CARM1: variants seen among roughly 807,000 people sequenced by gnomAD.
CARM1 encodes histone-arginine methyltransferase CARM1.
Under a neutral mutation model 72.7 loss-of-function variants are expected in CARM1, and 14 were observed. That is an observed-to-expected ratio of 0.19 (90% CI 0.13 to 0.30). CARM1 has a LOEUF of 0.30. CARM1 is among the 10% of genes least tolerant of loss of function. The probability of loss-of-function intolerance (pLI) is 1.00; values close to 1 mark genes in which losing one functional copy is unlikely to be tolerated. For synonymous variants in CARM1, 333 were observed against 345.5 expected, an observed-to-expected ratio of 0.96 and a Z score of 0.40; for missense variants, 432 against 833.7, an observed-to-expected ratio of 0.52 and a Z score of 5.93.
At position 10,912,237 on chromosome 19, in the gene CARM1, A is replaced by G. The variant is rs781326336; in HGVS notation, c.612A>G (p.Gln204=). Residue 204 remains glutamine (Q), a synonymous_variant, in exon 5 of 16, where the codon CAA becomes CAG. Coordinates refer to ENST00000327064, the MANE Select transcript of CARM1 (RefSeq NM_199141.2). This position sits in a 1 kb window ranked among gnomAD's most constrained non-coding sequence, Gnocchi z 4.5. ...GGATCCTGTCGTTTTTTGCCGCCCA[A>G]GCTGGAGCACGGAAAATCTACGCGG... ...GSGILSFFAA[Q]AGARKIYAVE... The G allele has an allele frequency of 1.7e-5, 28 of 1,613,938 alleles. No individual in the cohort carries two copies. The highest frequency in any genetic ancestry group is 5.0e-5 in the Admixed American group (3 of 59,994).
intron 8 of CARM1, among the ~76,000 whole-genome samples, chr19:10,917,840 AGCTGGGAGTACAGGC>A (rs2074210572): frequency 6.6e-6 from 1 of 150,712 alleles, no homozygotes; most frequent in African/African-American, 2.4e-5. Flanking sequence ...ACTCCTGAGT[AGCTGGGAGTACAGGC>A]GCTTGCCACC....
chr19:10,897,979 C>T (rs930291536), intron 1 of CARM1, among the ~76,000 whole-genome samples: 2 of 151,946 alleles, frequency 1.3e-5, no homozygotes, highest in South Asian at 2.1e-4. Flanking sequence ...AGGTGGCGGG[C>T]GCCTGTAGTC....
intron 14 of CARM1, 26 bp downstream of exon 14, chr19:10,921,153 A>G: frequency 6.2e-7 from 1 of 1,606,938 alleles, no homozygotes; most frequent in Non-Finnish European, 8.5e-7. Flanking sequence ...GGCCAGGGGC[A>G]GCAGGGAGCC....
At chr19:10,875,065 C>T (rs2073852708) in intron 1 of CARM1, among the ~76,000 whole-genome samples, 1 of 151,456 alleles carries the variant, frequency 6.6e-6, no homozygotes, top group African/African-American at 2.4e-5. Flanking sequence ...TGGAGGTGAT[C>T]AGTGCTGGGT....
chr19:10,910,902 G>T (rs930145289), intron 4 of CARM1, among the ~76,000 whole-genome samples: 20 of 150,696 alleles, frequency 1.3e-4, no homozygotes, highest in Admixed American at 6.6e-5. Flanking sequence ...TTTTTGGGGG[G>T]TTTTTTGAGA....
At chr19:10,918,248 TCTCA>T (rs1194494887) in intron 8 of CARM1, among the ~76,000 whole-genome samples, 1 of 152,116 alleles carries the variant, frequency 6.6e-6, no homozygotes, top group Admixed American at 6.6e-5. Context: ...TGAAACAGGA[TCTCA>T]CTCTGTTCCC....
At position 10,921,456 on chromosome 19, in the gene CARM1, G is replaced by A. The variant is rs758558490; in HGVS notation, c.1684+13G>A. 1.3e-6 allele frequency: 2 copies of A among 1,598,034 alleles called. No homozygotes were observed. Among genetic ancestry groups the A allele is most frequent in the South Asian group, 2.2e-5 (2 of 89,586 alleles). On this transcript the variant is annotated intron_variant, in intron 15 of 15. Coordinates refer to ENST00000327064, the MANE Select transcript of CARM1 (RefSeq NM_199141.2). ...GGGATTGTCCAAGGTAACGAGGGTGGCGGGGGCAGGGCCCGTGGGGGCCGA... is the reference window on the plus strand; with the variant it reads ...GGGATTGTCCAAGGTAACGAGGGTGACGGGGGCAGGGCCCGTGGGGGCCGA...
chr19:10,882,298 G>A (rs779819601), intron 1 of CARM1, among the ~76,000 whole-genome samples: 77 of 152,160 alleles, frequency 5.1e-4, no homozygotes, highest in Non-Finnish European at 9.1e-4. Flanking sequence ...GGCAAGGGAC[G>A]CCTGTGATGG....
rs769866443 is a variant in CARM1 at position 10,920,389 on chromosome 19, G to A, written c.1197-47G>A. 1 of 1,584,510 alleles carries A rather than the reference G, an allele frequency of 6.3e-7. No homozygotes were observed. The highest frequency in any genetic ancestry group is 8.6e-7 in the Non-Finnish European group (1 of 1,160,530). On this transcript the variant is annotated intron_variant, in intron 10 of 15. Transcript: ENST00000327064. The surrounding 1 kb of genome is among the most constrained non-coding windows in gnomAD (Gnocchi z 5.3). The stretch of plus-strand genomic sequence containing the variant: ...CAAGGCATACAAGGTGGTGGCTCCA[G>A]TGGTGGCGCCGGCCCAGTCAAGTAT...
chr19:10,871,910 G>T lies in CARM1; in HGVS notation c.208G>T (p.Ala70Ser), dbSNP rs1159843957. The stretch of plus-strand genomic sequence containing the variant: ...CGCCGGCCCGGACTCGGCGGGCATC[G>T]CCCTCTACAGCCGTGAGTACGGGGC... ...VRAGPDSAGI[A>S]LYSHEDVCVF... The change falls in exon 1 of 16, where the codon GCC becomes TCC. Residue 70 changes from alanine (A) to serine (S), a missense_variant. Transcript: ENST00000327064. This position sits in a 1 kb window ranked among gnomAD's most constrained non-coding sequence, Gnocchi z 5.6. 1 of 1,212,654 alleles carries T rather than the reference G, an allele frequency of 8.2e-7. No homozygotes were observed. The highest frequency in any genetic ancestry group is 1.0e-6 in the Non-Finnish European group (1 of 972,828). 75.1% of individuals were successfully genotyped at this position (1,212,654 alleles called of 1,614,324 possible). A position where few individuals can be genotyped will look rare whatever the true frequency, so the allele number is the denominator to read the frequency against.
chr19:10,916,686 C>A lies in CARM1; in HGVS notation c.939-10C>A. ...CCTGACCTTGCTGTGGGGGTGGGGC[C>A]TGTCCACAGGTACCAGCCATCTTTC... is the stretch of plus-strand genomic sequence containing the variant. On this transcript the variant is annotated splice_polypyrimidine_tract_variant and intron_variant, in intron 7 of 15. Coordinates refer to ENST00000327064, the MANE Select transcript of CARM1 (RefSeq NM_199141.2). The surrounding 1 kb of genome is among the most constrained non-coding windows in gnomAD (Gnocchi z 4.4). 1 of 1,568,494 alleles carries A rather than the reference C, an allele frequency of 6.4e-7. No individual in the cohort carries two copies.
chr19:10,908,567 C>G (rs2074121835), intron 3 of CARM1: 1 of 190,806 alleles, frequency 5.2e-6, no homozygotes, highest in African/African-American at 2.4e-5. Flanking sequence ...AACTGAGGCT[C>G]AGAGAGGTTA....
Position 10,922,028 on chromosome 19 carries a change from A to C in CARM1, c.*271A>C. On this transcript the variant is annotated 3_prime_UTR_variant, in exon 16 of 16. Coordinates refer to ENST00000327064, the MANE Select transcript of CARM1 (RefSeq NM_199141.2). ...CCCCCCTCCTGCCCGCTCTACCCTG[A>C]CCTGGGCTTGTCATCTGCTGGAACA... is the stretch of plus-strand genomic sequence containing the variant. 1 of 293,358 alleles carries C rather than the reference A, an allele frequency of 3.4e-6. No individual in the cohort carries two copies. 18.2% of individuals were successfully genotyped at this position (293,358 alleles called of 1,614,324 possible). A position where few individuals can be genotyped will look rare whatever the true frequency, so the allele number is the denominator to read the frequency against.
rs557973205 is a variant in CARM1, at chr19:10,899,743, C to T, written c.221-5208C>T. Among the ~76,000 whole-genome samples the T allele has an allele frequency of 3.0e-3, 444 of 146,820 alleles. 1 individual carries two copies. The highest frequency in any genetic ancestry group is 0.011 in the African/African-American group (431 of 39,800). Reference sequence around the variant, plus strand: ...TTTTTCTTTTTTTTTTTTTTTGAGACGGAGTCTCACTCTGTCGTCCAGGCT... The same window carrying T: ...TTTTTCTTTTTTTTTTTTTTTGAGATGGAGTCTCACTCTGTCGTCCAGGCT... On this transcript the variant is annotated intron_variant, in intron 1 of 15. Coordinates refer to ENST00000327064, the MANE Select transcript of CARM1 (RefSeq NM_199141.2).
chr19:10,879,608 C>G (rs773263937), intron 1 of CARM1, among the ~76,000 whole-genome samples: 2 of 152,012 alleles, frequency 1.3e-5, no homozygotes, highest in African/African-American at 2.4e-5. Flanking sequence ...GGGTTGGAAT[C>G]GAGGATTTTT....
chr19:10,920,462 C>T lies in CARM1; in HGVS notation c.1223C>T (p.Pro408Leu). ...SIMTVWLSTA[P>L]TEPLTHWYQV... ...ATGACCGTGTGGCTGTCCACAGCCC[C>T]GACAGAGCCCCTGACCCACTGGTAC... The change falls in exon 11 of 16, where the codon CCG becomes CTG. Residue 408 changes from proline (P) to leucine (L), a missense_variant. Pro to Leu is a moderately conservative substitution (Grantham distance 98). Around this residue, in one of 3 missense-constraint regions of CARM1, gnomAD observed 152 missense variants for 452.8 expected, o/e 0.34. Transcript: ENST00000327064. The surrounding 1 kb of genome is among the most constrained non-coding windows in gnomAD (Gnocchi z 5.3). 2 of 1,613,232 alleles carry T rather than the reference C, an allele frequency of 1.2e-6. No individual in the cohort carries two copies. Among genetic ancestry groups the T allele is most frequent in the Non-Finnish European group, 1.7e-6 (2 of 1,179,390 alleles).
chr19:10,895,566 A>G (rs1052887184), intron 1 of CARM1, among the ~76,000 whole-genome samples: 1 of 152,218 alleles, frequency 6.6e-6, no homozygotes, highest in Non-Finnish European at 1.5e-5. Flanking sequence ...GATGCTAAAC[A>G]TCTCTGCGTG....
chr19:10,921,488 G>A (rs200169512), intron 15 of CARM1, 45 bp downstream of exon 15: 986 of 1,579,570 alleles, frequency 6.2e-4, no homozygotes, highest in Non-Finnish European at 7.9e-4. Flanking sequence ...CCGAGCTAGC[G>A]TGTGAGTCGC....
At chr19:10,907,967 G>C in intron 2 of CARM1, 72 bp from the exon 3 acceptor site, 4 of 911,928 alleles carry the variant, frequency 4.4e-6, no homozygotes, top group Non-Finnish European at 7.3e-6. Flanking sequence ...CGGCCATCCA[G>C]AACCTTCCCT....
Sources: allele counts gnomAD v4.1 joint callset (sites outside exome capture counted in the v4.1 genomes callset), GRCh38; gene constraint gnomAD v4.1.1; regional missense constraint gnomAD v4.1.1; non-coding constraint Gnocchi (gnomAD v3.1); transcripts MANE v1.5; gene names NCBI Gene and HGNC (gene_info 2026-07-23, HGNC 2026-07-21).